FER: variants seen among roughly 807,000 people sequenced by gnomAD.
The protein encoded by FER is FER tyrosine kinase, also known as tyrosine-protein kinase Fer.
A neutral mutation model predicts 111.0 loss-of-function variants in FER; 63 were observed. The ratio of observed to expected loss-of-function variants is 0.57; its 90% confidence interval spans 0.46 to 0.70. The LOEUF (loss-of-function observed/expected upper bound fraction) is 0.70, where lower values mean the gene tolerates loss of function less well. Ranked by LOEUF, FER falls within the 30% of genes least tolerant of loss-of-function variation. The probability of loss-of-function intolerance (pLI) is 0.00; values close to 1 mark genes in which losing one functional copy is unlikely to be tolerated. For missense variants in FER, 914 were observed against 954.0 expected (o/e 0.96, Z 0.55); for synonymous variants, 327 against 313.9 (o/e 1.04, Z -0.44).
At chr5:109,005,326 G>T (rs1765357526) in intron 13 of FER, among the ~76,000 whole-genome samples, 1 of 152,014 alleles carries the variant, frequency 6.6e-6, no homozygotes, top group African/African-American at 2.4e-5. Context: ...GATAGAAGGT[G>T]TTAGAGGGTG....
chr5:108,963,032 CTATT>C (rs538419870), intron 13 of FER, among the ~76,000 whole-genome samples: 70 of 152,072 alleles, frequency 4.6e-4, no homozygotes, highest in African/African-American at 1.6e-3. Context: ...ATATCAAAAA[CTATT>C]TGTTTCTATA....
At chr5:108,850,007 T>C (rs2150183673) in intron 5 of FER, among the ~76,000 whole-genome samples, 1 of 152,116 alleles carries the variant, frequency 6.6e-6, no homozygotes, top group South Asian at 2.1e-4. Flanking sequence ...CTGGCCAACA[T>C]TGTGAAACCC....
intron 16 of FER, among the ~76,000 whole-genome samples, chr5:109,087,671 G>A (rs570587317): frequency 2.0e-5 from 3 of 150,340 alleles, no homozygotes; most frequent in South Asian, 2.1e-4. Flanking sequence ...TCCAATCCTC[G>A]GTGCACTTTT....
chr5:108,905,825 G>A (rs1287875654), intron 10 of FER, among the ~76,000 whole-genome samples: 2 of 152,178 alleles, frequency 1.3e-5, no homozygotes, highest in Admixed American at 1.3e-4. Context: ...TAAAATTGAT[G>A]TAACTCAATT....
rs1399067205 is a variant in FER at position 109,192,210 on chromosome 5, G to A, written c.*4635G>A. 6.6e-6 allele frequency: 1 copy of A among 152,220 alleles called. No individual in the cohort carries two copies. Among genetic ancestry groups the A allele is most frequent in the African/African-American group, 2.4e-5 (1 of 41,462 alleles). The allele number at this position is 152,220 out of a possible 1,614,324, so 9.4% of individuals were successfully genotyped here. A position where few individuals can be genotyped will look rare whatever the true frequency, so the allele number is the denominator to read the frequency against. On this transcript the variant is annotated 3_prime_UTR_variant, in exon 20 of 20. Coordinates refer to ENST00000281092, the MANE Select transcript of FER (RefSeq NM_005246.4). Reference sequence around the variant, plus strand: ...TATTTAATAAGGTGCTGAGGCAGCAGATTCAAATGCAAAAGAGGGAGGAAC... The same window carrying A: ...TATTTAATAAGGTGCTGAGGCAGCAAATTCAAATGCAAAAGAGGGAGGAAC...
At chr5:108,984,344 C>G (rs1393869977) in intron 13 of FER, among the ~76,000 whole-genome samples, 1 of 151,908 alleles carries the variant, frequency 6.6e-6, no homozygotes, top group Non-Finnish European at 1.5e-5. Context: ...AATAATAGCT[C>G]AGAAGATATA....
At chr5:108,946,372 A>G in intron 11 of FER, 150 bp downstream of exon 11, 1 of 512,256 alleles carries the variant, frequency 2.0e-6, no homozygotes, top group Non-Finnish European at 3.4e-6. Flanking sequence ...AGATAAGTGC[A>G]TAATTTAACT....
At chr5:108,893,630 G>T (rs757048015) in intron 9 of FER, among the ~76,000 whole-genome samples, 42 of 152,016 alleles carry the variant, frequency 2.8e-4, no homozygotes, top group Non-Finnish European at 5.6e-4. Context: ...CAGACAGCAT[G>T]TTCAGCATTC....
chr5:108,940,128 T>C (rs1245595851), intron 10 of FER, among the ~76,000 whole-genome samples: 1 of 152,044 alleles, frequency 6.6e-6, no homozygotes, highest in Non-Finnish European at 1.5e-5. Context: ...TTTTGAGACA[T>C]TTGGCCTTTA....
intron 3 of FER, among the ~76,000 whole-genome samples, chr5:108,800,497 T>C (rs1333790528): frequency 6.6e-6 from 1 of 152,054 alleles, no homozygotes; most frequent in Non-Finnish European, 1.5e-5. Context: ...ACTATAGGCA[T>C]GCGCCACCAT....
intron 17 of FER, among the ~76,000 whole-genome samples, chr5:109,147,513 AAAATT>A (rs1263321535): frequency 3.3e-5 from 5 of 152,022 alleles, no homozygotes; most frequent in African/African-American, 9.7e-5. Context: ...AAAAAAGAAA[AAAATT>A]AAATCCTGAA....
At chr5:108,953,123 C>CA (rs1437562413) in intron 11 of FER, among the ~76,000 whole-genome samples, 2 of 151,704 alleles carry the variant, frequency 1.3e-5, no homozygotes, top group Non-Finnish European at 2.9e-5. Context: ...AAATAGAAAA[C>CA]ATTTGATTAT....
intron 13 of FER, among the ~76,000 whole-genome samples, chr5:108,963,514 A>G (rs1323474735): frequency 1.3e-5 from 2 of 152,176 alleles, no homozygotes; most frequent in African/African-American, 2.4e-5. Context: ...GTGAGCTGAG[A>G]TTGTGCCACT....
rs77499893 is a variant in FER, at chr5:108,826,491, G to A, written c.208-6279G>A. On this transcript the variant is annotated intron_variant, in intron 3 of 19. Coordinates refer to ENST00000281092, the MANE Select transcript of FER (RefSeq NM_005246.4). ...TGATCTTGAACTCCTGGGCTGAAAC[G>A]GTCCTCTCGCCTCAACCTCCCAAAG... 4.0e-4 allele frequency among the ~76,000 whole-genome samples: 61 copies of A among 152,178 alleles called. No homozygotes were observed. The East Asian group carries it at 0.011, about 28-fold the overall frequency.
chr5:108,914,844 A>G (rs1337421596), intron 10 of FER, among the ~76,000 whole-genome samples: 4 of 152,214 alleles, frequency 2.6e-5, no homozygotes, highest in Non-Finnish European at 4.4e-5. Flanking sequence ...TAAGATAAGT[A>G]TATAGGAAAA....
In FER at chr5:108,977,743, A is replaced by G. The variant is rs376135044; in HGVS notation, c.1656+18396A>G. Among the ~76,000 whole-genome samples, 48 of 152,260 alleles carry G rather than the reference A, an allele frequency of 3.2e-4. 2 individuals carry two copies. The East Asian group carries it at 5.6e-3, about 18-fold the overall frequency. On this transcript the variant is annotated intron_variant, in intron 13 of 19. Transcript: ENST00000281092. Reference sequence around the variant, plus strand: ...GAATTCCTGTAACTTAAACCTCATAATGGCTTTCAGATTTGTTACCTGCTC... The same window carrying G: ...GAATTCCTGTAACTTAAACCTCATAGTGGCTTTCAGATTTGTTACCTGCTC...
chr5:108,845,035 TATATACATATATATATATATATA>T (rs1761837310), intron 5 of FER, among the ~76,000 whole-genome samples: 1 of 55,112 alleles, frequency 1.8e-5, no homozygotes, highest in East Asian at 6.0e-4. Context: ...TATATATATA[TATATACATATATATATATATATA>T]TATATATATA....
At chr5:109,100,268 T>G in intron 16 of FER, 128 bp from the exon 17 acceptor site, 1 of 1,052,928 alleles carries the variant, frequency 9.5e-7, no homozygotes, top group Non-Finnish European at 1.4e-6. Flanking sequence ...TCAAACAAAT[T>G]GGGCAAAAAG....
At chr5:109,051,851 T>C (rs1772879165) in intron 16 of FER, 1 of 1,590,350 alleles carries the variant, frequency 6.3e-7, no homozygotes, top group South Asian at 1.1e-5. Context: ...GTTTTCTCCA[T>C]GGGGCAAGAG....
Sources: gnomAD v4.1 joint callset for allele counts (sites outside exome capture counted in the v4.1 genomes callset) on GRCh38, gnomAD v4.1.1 for gene constraint, MANE v1.5 for transcripts, NCBI Gene and HGNC (gene_info 2026-07-23, HGNC 2026-07-21) for gene names.